The following BMPR1B variants were observed in gnomAD, a reference collection of about 807,000 sequenced individuals.
BMPR1B encodes bone morphogenetic protein receptor type-1B.
Under a neutral mutation model 59.1 loss-of-function variants are expected in BMPR1B, and 12 were observed. The ratio of observed to expected loss-of-function variants is 0.20; its 90% CI spans 0.13 to 0.33. BMPR1B has a LOEUF of 0.33. Among genes scored for constraint, BMPR1B ranks in the 10% least tolerant of loss-of-function variants. BMPR1B has a pLI of 1.00. For missense variants in BMPR1B, 550 were observed against 610.9 expected (o/e 0.90, Z 1.05); for synonymous variants, 237 against 207.3 (o/e 1.14, Z -1.23).
chr4:95,013,623 G>A (rs554408823), intron 3 of BMPR1B, among the ~76,000 whole-genome samples: 11 of 152,152 alleles, frequency 7.2e-5, no homozygotes, highest in Admixed American at 2.6e-4. Context: ...GTAAACTTTC[G>A]GAATAGCACT....
intron 2 of BMPR1B, among the ~76,000 whole-genome samples, chr4:94,943,862 TTTCTC>T (rs1729609063): frequency 3.9e-5 from 6 of 152,218 alleles, no homozygotes; most frequent in Admixed American, 3.3e-4. Context: ...GATTTCAAAA[TTTCTC>T]TTCTCTAATT....
intron 3 of BMPR1B, among the ~76,000 whole-genome samples, chr4:95,096,729 A>G (rs1400145709): frequency 1.1e-4 from 2 of 17,982 alleles, no homozygotes; most frequent in Admixed American, 5.7e-4. Flanking sequence ...ATATAACTAT[A>G]TATAGTTATA....
At chr4:95,036,446 A>G (rs185802320) in intron 3 of BMPR1B, among the ~76,000 whole-genome samples, 1 of 152,258 alleles carries the variant, frequency 6.6e-6, no homozygotes, top group Admixed American at 6.5e-5. Flanking sequence ...AGCTTTCACA[A>G]ATATGTGAGA....
At chr4:94,949,920 G>A (rs761723011) in intron 2 of BMPR1B, among the ~76,000 whole-genome samples, 24 of 152,118 alleles carry the variant, frequency 1.6e-4, no homozygotes, top group African/African-American at 1.9e-4. Flanking sequence ...GTGTAAAAGC[G>A]TTCCTATTAC....
intron 1 of BMPR1B, among the ~76,000 whole-genome samples, chr4:94,855,064 T>C: frequency 6.6e-6 from 1 of 152,138 alleles, no homozygotes; most frequent in South Asian, 2.1e-4. Context: ...GTAAACAAAT[T>C]ATCAGTTCTA....
chr4:95,130,795 A>ATC (rs1733293820), intron 9 of BMPR1B, among the ~76,000 whole-genome samples: 2 of 124,266 alleles, frequency 1.6e-5, no homozygotes, highest in South Asian at 4.8e-4. Context: ...CAATGGTGTG[A>ATC]TCTCCGCTCA....
intron 2 of BMPR1B, among the ~76,000 whole-genome samples, chr4:94,939,438 T>C (rs149091898): frequency 1.3e-5 from 2 of 152,284 alleles, no homozygotes; most frequent in East Asian, 3.9e-4. Flanking sequence ...TTCATGAAAA[T>C]TTAAAGACTG....
intron 3 of BMPR1B, among the ~76,000 whole-genome samples, chr4:95,037,785 A>G (rs887191524): frequency 2.0e-5 from 3 of 152,182 alleles, no homozygotes; most frequent in Non-Finnish European, 2.9e-5. Context: ...TACTTTAGAA[A>G]GAGAGAGATA....
chr4:94,862,806 G>A (rs1410229226), intron 1 of BMPR1B, among the ~76,000 whole-genome samples: 6 of 151,932 alleles, frequency 3.9e-5, no homozygotes, highest in East Asian at 3.9e-4. Context: ...TTAGCCGGGC[G>A]TGGTTGCGGG....
chr4:95,069,719 T>G (rs1355410609), intron 3 of BMPR1B, among the ~76,000 whole-genome samples: 3 of 152,240 alleles, frequency 2.0e-5, no homozygotes, highest in Non-Finnish European at 4.4e-5. Flanking sequence ...TTTCTACTGC[T>G]ATGTCCTTGG....
chr4:94,849,051 T>C (rs558559762), intron 1 of BMPR1B, among the ~76,000 whole-genome samples: 7 of 152,164 alleles, frequency 4.6e-5, no homozygotes, highest in Non-Finnish European at 7.4e-5. Context: ...AGATAAAAGT[T>C]TGAGTTTTGT....
chr4:94,801,868 T>G (rs1388779925), intron 1 of BMPR1B, among the ~76,000 whole-genome samples: 1 of 152,236 alleles, frequency 6.6e-6, no homozygotes, highest in Non-Finnish European at 1.5e-5. Context: ...GTAAATAATT[T>G]GAGAGAGTTA....
chr4:94,895,133 C>A (rs1227185702), intron 2 of BMPR1B, among the ~76,000 whole-genome samples: 1 of 151,886 alleles, frequency 6.6e-6, no homozygotes, highest in East Asian at 1.9e-4. Context: ...TCACAAAATT[C>A]TTTTTTCTGC....
At chr4:95,090,514 C>A (rs1729901773) in intron 3 of BMPR1B, among the ~76,000 whole-genome samples, 1 of 151,856 alleles carries the variant, frequency 6.6e-6, no homozygotes, top group Non-Finnish European at 1.5e-5. Flanking sequence ...ATAGAGTGAA[C>A]CTTTGGTGTG....
chr4:94,965,821 T>C (rs7676775), intron 2 of BMPR1B, among the ~76,000 whole-genome samples: 35,893 of 152,032 alleles, frequency 0.24, 4,499 homozygotes, highest in Middle Eastern at 0.28. Flanking sequence ...GGAGTATTGA[T>C]ATGATAAACA....
chr4:94,932,064 A>G (rs1323177463), intron 2 of BMPR1B, among the ~76,000 whole-genome samples: 1 of 152,168 alleles, frequency 6.6e-6, no homozygotes, highest in East Asian at 1.9e-4. Flanking sequence ...AATTTTATAG[A>G]TTTTGGCCAA....
At chr4:94,902,247 CACAGAGAGAGAGAGAGAGAGAGAG>C (rs1472152391) in intron 2 of BMPR1B, among the ~76,000 whole-genome samples, 990 of 84,752 alleles carry the variant, frequency 0.012, 3 homozygotes, top group Middle Eastern at 0.018. Context: ...CACACACACA[CACAGAGAGAGAGAGAGAGAGAGAG>C]AGAGAGAGAG....
intron 3 of BMPR1B, among the ~76,000 whole-genome samples, chr4:95,089,318 C>T (rs1729813872): frequency 6.6e-6 from 1 of 151,640 alleles, no homozygotes; most frequent in Non-Finnish European, 1.5e-5. Flanking sequence ...TTTTGTTGTT[C>T]TTTTTTTGGC....
intron 3 of BMPR1B, among the ~76,000 whole-genome samples, chr4:95,045,190 C>T (rs1427364986): frequency 6.6e-6 from 1 of 152,038 alleles, no homozygotes; most frequent in African/African-American, 2.4e-5. Flanking sequence ...TAACACTCAC[C>T]TTATTGTTCT....
Sources: gnomAD v4.1 joint callset for allele counts (sites outside exome capture counted in the v4.1 genomes callset) on GRCh38, gnomAD v4.1.1 for gene constraint, MANE v1.5 for transcripts, NCBI Gene and HGNC (gene_info 2026-07-23, HGNC 2026-07-21) for gene names.